Variants in BARX2 observed in about 807,000 individuals in gnomAD.
The protein encoded by BARX2 is BARX homeobox 2.
A neutral mutation model predicts 25.5 loss-of-function variants in BARX2; 11 were observed. That is an observed-to-expected ratio of 0.43 (90% CI 0.27 to 0.71). BARX2 has a LOEUF of 0.71. Among genes scored for constraint, BARX2 ranks in the 30% least tolerant of loss-of-function variants. The pLI, the probability that BARX2 is intolerant of heterozygous loss-of-function variation, is 0.19. For missense variants in BARX2, 360 were observed against 359.9 expected (o/e 1.00, Z 0.00); for synonymous variants, 137 against 149.5 (o/e 0.92, Z 0.61).
At chr11:129,384,764 T>C (rs1342538382) in intron 1 of BARX2, among the ~76,000 whole-genome samples, 2 of 152,224 alleles carry the variant, frequency 1.3e-5, no homozygotes, top group East Asian at 3.8e-4. Flanking sequence ...CTAGAAATAC[T>C]TTATACCCTA....
chr11:129,396,643 C>A (rs558354395), intron 1 of BARX2, among the ~76,000 whole-genome samples: 1 of 151,624 alleles, frequency 6.6e-6, no homozygotes, highest in East Asian at 1.9e-4. Flanking sequence ...GGTGGGGGGA[C>A]GGGGTGAGGT....
chr11:129,440,582 A>C (rs1862244624), intron 2 of BARX2, among the ~76,000 whole-genome samples: 1 of 152,188 alleles, frequency 6.6e-6, no homozygotes, highest in South Asian at 2.1e-4. Context: ...ACTTTCAATA[A>C]AACTGCCAGC....
At chr11:129,403,117 G>T (rs1295009214) in intron 1 of BARX2, among the ~76,000 whole-genome samples, 1 of 152,246 alleles carries the variant, frequency 6.6e-6, no homozygotes, top group Non-Finnish European at 1.5e-5. Context: ...CTCACCTGCG[G>T]CTCTGCTGCT....
chr11:129,405,345 C>T (rs1861819272), intron 1 of BARX2, among the ~76,000 whole-genome samples: 1 of 152,166 alleles, frequency 6.6e-6, no homozygotes, highest in African/African-American at 2.4e-5. Flanking sequence ...GCTACCGCTG[C>T]CTCCTAGGGA....
chr11:129,403,319 A>G (rs1465713124), intron 1 of BARX2, among the ~76,000 whole-genome samples: 1 of 152,236 alleles, frequency 6.6e-6, no homozygotes, highest in Non-Finnish European at 1.5e-5. Context: ...CATGGGGATG[A>G]GATGGCCTTG....
At chr11:129,416,279 G>C (rs115565033) in intron 1 of BARX2, among the ~76,000 whole-genome samples, 1 of 152,182 alleles carries the variant, frequency 6.6e-6, no homozygotes, top group Non-Finnish European at 1.5e-5. Context: ...ACACTCAGTG[G>C]TTGTTGAGGA....
intron 1 of BARX2, among the ~76,000 whole-genome samples, chr11:129,431,544 T>C (rs1379660538): frequency 6.6e-6 from 1 of 152,248 alleles, no homozygotes; most frequent in African/African-American, 2.4e-5. Flanking sequence ...TTTCCTTCAT[T>C]AGAATCTTTT....
chr11:129,382,486 C>T (rs1408867062), intron 1 of BARX2, among the ~76,000 whole-genome samples: 1 of 152,116 alleles, frequency 6.6e-6, no homozygotes, highest in Admixed American at 6.5e-5. Context: ...GCCGAGGCCT[C>T]TTAATTTGTA....
At chr11:129,421,101 G>A (rs543460954) in intron 1 of BARX2, among the ~76,000 whole-genome samples, 102 of 152,214 alleles carry the variant, frequency 6.7e-4, no homozygotes, top group Non-Finnish European at 1.1e-3. Flanking sequence ...CCTTCTTGCT[G>A]TAGGGAGCAA....
intron 1 of BARX2, among the ~76,000 whole-genome samples, chr11:129,398,766 CTT>C (rs1167828071): frequency 6.6e-6 from 1 of 152,218 alleles, no homozygotes; most frequent in Admixed American, 6.5e-5. Context: ...TGTTAGCTCA[CTT>C]TGTGTAGAAC....
At chr11:129,442,348 G>C (rs1395934122) in intron 2 of BARX2, among the ~76,000 whole-genome samples, 2 of 152,182 alleles carry the variant, frequency 1.3e-5, no homozygotes, top group African/African-American at 4.8e-5. Flanking sequence ...GTGACTGCTG[G>C]CCTGTGGGAG....
chr11:129,383,532 C>A (rs1238749217), intron 1 of BARX2, among the ~76,000 whole-genome samples: 1 of 152,140 alleles, frequency 6.6e-6, no homozygotes, highest in Non-Finnish European at 1.5e-5. Flanking sequence ...GGAGAGAATT[C>A]TGAAGATTAG....
chr11:129,452,107 T>C lies in BARX2; in HGVS notation c.*705T>C, dbSNP rs1862410331. On this transcript the variant is annotated 3_prime_UTR_variant, in exon 4 of 4. Coordinates refer to ENST00000281437, the MANE Select transcript of BARX2 (RefSeq NM_003658.5). Reference sequence around the variant, plus strand: ...GGGTTCCATTATTGGAACCCTAAGCTTGTGGGAGTTATTTCTATCCTACTG... The same window carrying C: ...GGGTTCCATTATTGGAACCCTAAGCCTGTGGGAGTTATTTCTATCCTACTG... 1 of 152,046 alleles carries C rather than the reference T, an allele frequency of 6.6e-6. No homozygotes were observed. 9.4% of individuals were successfully genotyped at this position (152,046 alleles called of 1,614,324 possible).
chr11:129,400,369 G>A (rs1861763240), intron 1 of BARX2, among the ~76,000 whole-genome samples: 1 of 152,148 alleles, frequency 6.6e-6, no homozygotes, highest in African/African-American at 2.4e-5. Context: ...CTGTAGGGGA[G>A]GCTGGGGAAG....
chr11:129,386,384 G>A (rs1213320038), intron 1 of BARX2, among the ~76,000 whole-genome samples: 2 of 152,282 alleles, frequency 1.3e-5, no homozygotes, highest in East Asian at 3.9e-4. Context: ...AGCTGTGATT[G>A]AACCAAATAA....
At chr11:129,448,112 T>A (rs1027979765) in intron 3 of BARX2, among the ~76,000 whole-genome samples, 1 of 152,214 alleles carries the variant, frequency 6.6e-6, no homozygotes, top group Non-Finnish European at 1.5e-5. Flanking sequence ...TACTGAGAAC[T>A]TCTTGGTTTT....
chr11:129,442,808 C>G (rs775040046), intron 2 of BARX2, 27 bp from the exon 3 acceptor site: 1 of 1,596,842 alleles, frequency 6.3e-7, no homozygotes, highest in South Asian at 1.1e-5. Flanking sequence ...TTCTGCTCAC[C>G]TTTCCTTTGT....
intron 1 of BARX2, among the ~76,000 whole-genome samples, chr11:129,423,570 G>T (rs918751275): frequency 1.5e-4 from 23 of 152,192 alleles, no homozygotes; most frequent in African/African-American, 4.8e-4. Flanking sequence ...AGCATGCCTG[G>T]TGGAGATTCC....
At chr11:129,440,427 G>A (rs1389795179) in intron 2 of BARX2, among the ~76,000 whole-genome samples, 2 of 152,230 alleles carry the variant, frequency 1.3e-5, no homozygotes, top group African/African-American at 4.8e-5. Flanking sequence ...CCGTCTCCAG[G>A]GAGGCCTGGG....
Sources: gnomAD v4.1 joint callset for allele counts (sites outside exome capture counted in the v4.1 genomes callset) on GRCh38, gnomAD v4.1.1 for gene constraint, MANE v1.5 for transcripts, NCBI Gene and HGNC (gene_info 2026-07-23, HGNC 2026-07-21) for gene names.